Variants in LNX1 observed in about 807,000 individuals in gnomAD.
LNX1 encodes E3 ubiquitin-protein ligase LNX.
A neutral mutation model predicts 68.4 loss-of-function variants in LNX1; 54 were observed. That is an observed-to-expected ratio of 0.79 (90% CI 0.63 to 0.99). The LOEUF is 0.99. LNX1 is among the 50% of genes least tolerant of loss of function. The pLI is 0.00. For missense variants in LNX1, 906 were observed against 926.4 expected, an observed-to-expected ratio of 0.98 and a Z score of 0.29; for synonymous variants, 336 against 350.0, an observed-to-expected ratio of 0.96 and a Z score of 0.45.
intron 2 of LNX1, among the ~76,000 whole-genome samples, chr4:53,520,466 G>A (rs1727131847): frequency 6.6e-6 from 1 of 152,194 alleles, no homozygotes; most frequent in Non-Finnish European, 1.5e-5. Flanking sequence ...TGTTCATTCT[G>A]TGAGTCTCTG....
intron 2 of LNX1, among the ~76,000 whole-genome samples, chr4:53,554,672 T>G (rs1376402114): frequency 6.6e-6 from 1 of 152,032 alleles, no homozygotes; most frequent in Admixed American, 6.6e-5. Context: ...GCCAATATGG[T>G]GAAACCCCTT....
chr4:53,541,178 G>T lies in LNX1; in HGVS notation c.380+32445C>A, dbSNP rs1317231780. ...AAAAAAAGAAAGAAAAGAAAAGAAA[G>T]AAAGAAATGGCAGGAATGCGTTCTG... On this transcript the variant is annotated intron_variant, in intron 2 of 10. Transcript: ENST00000263925. Among the ~76,000 whole-genome samples, 5 of 149,766 alleles carry T rather than the reference G, an allele frequency of 3.3e-5. No homozygotes were observed. The East Asian group carries it at 9.7e-4, about 29-fold the overall frequency.
intron 2 of LNX1, among the ~76,000 whole-genome samples, chr4:53,564,767 G>C (rs922844528): frequency 1.3e-5 from 2 of 152,086 alleles, no homozygotes; most frequent in Admixed American, 1.3e-4. Context: ...CAGACAGTGG[G>C]CGCAGGTCAG....
chr4:53,583,186 C>T (rs1731943243), intron 1 of LNX1, among the ~76,000 whole-genome samples: 1 of 152,148 alleles, frequency 6.6e-6, no homozygotes, highest in Non-Finnish European at 1.5e-5. Context: ...TGTAAATGAA[C>T]ATACACAGAG....
intron 2 of LNX1, among the ~76,000 whole-genome samples, chr4:53,551,477 G>A (rs1729511734): frequency 6.6e-6 from 1 of 152,154 alleles, no homozygotes; most frequent in Non-Finnish European, 1.5e-5. Flanking sequence ...GAGGCAAAAT[G>A]GCAGAGTTTA....
At chr4:53,506,815 C>T (rs1473141724) in intron 4 of LNX1, among the ~76,000 whole-genome samples, 18 of 135,290 alleles carry the variant, frequency 1.3e-4, no homozygotes, top group Middle Eastern at 8.1e-3. Context: ...GAGATCATGC[C>T]GCCGTTGCAC....
chr4:53,579,318 T>C, intron 1 of LNX1: 1 of 960,516 alleles, frequency 1.0e-6, no homozygotes, highest in Non-Finnish European at 1.2e-6. Context: ...GCCTTAGGAA[T>C]CACCCTTTCC....
At chr4:53,555,783 C>T (rs1454904441) in intron 2 of LNX1, among the ~76,000 whole-genome samples, 1 of 152,138 alleles carries the variant, frequency 6.6e-6, no homozygotes. Context: ...AATGGTGATT[C>T]CTGGCAAAGT....
Position 53,518,384 on chromosome 4 carries a change from CTTAATG to C in LNX1, c.381-10163_381-10158del, listed in dbSNP as rs1209589207. 9.2e-5 allele frequency among the ~76,000 whole-genome samples: 14 copies of C among 152,318 alleles called. No homozygotes were observed. In the South Asian group the frequency reaches 2.9e-3, roughly 32 times the overall value. On this transcript the variant is annotated intron_variant, in intron 2 of 10. Coordinates refer to ENST00000263925, the MANE Select transcript of LNX1 (RefSeq NM_001126328.3). ...CAGGGAAGAAGTGGACATTCTTCCA[CTTAATG>C]TTAATGACTCTCCTTTAATGCCGAT...
intron 1 of LNX1, chr4:53,576,184 T>G: frequency 6.3e-7 from 1 of 1,580,648 alleles, no homozygotes; most frequent in South Asian, 1.2e-5. Context: ...CTTTCAGTGG[T>G]GGGTGGATGT....
chr4:53,526,845 T>G (rs1468510447), intron 2 of LNX1, among the ~76,000 whole-genome samples: 1 of 151,980 alleles, frequency 6.6e-6, no homozygotes, highest in Non-Finnish European at 1.5e-5. Flanking sequence ...TGGTTGAAAC[T>G]CTGTCTTAAA....
intron 9 of LNX1, among the ~76,000 whole-genome samples, chr4:53,475,178 CATT>C (rs933274969): frequency 6.6e-6 from 1 of 152,248 alleles, no homozygotes; most frequent in African/African-American, 2.4e-5. Flanking sequence ...AAGCACCTCA[CATT>C]GTCCTCTCTT....
chr4:53,467,093 C>T (rs569911649), intron 9 of LNX1, among the ~76,000 whole-genome samples: 2 of 152,202 alleles, frequency 1.3e-5, no homozygotes, highest in Admixed American at 6.5e-5. Flanking sequence ...AGGCACCCCC[C>T]AGTAGGGGCG....
intron 1 of LNX1, among the ~76,000 whole-genome samples, chr4:53,632,943 A>G (rs1734331346): frequency 6.6e-6 from 1 of 152,210 alleles, no homozygotes; most frequent in Non-Finnish European, 1.5e-5. Flanking sequence ...TATGTACAAG[A>G]ATCCTTTTGT....
At chr4:53,540,308 G>A (rs575876910) in intron 2 of LNX1, among the ~76,000 whole-genome samples, 5 of 152,174 alleles carry the variant, frequency 3.3e-5, no homozygotes, top group East Asian at 1.9e-4. Context: ...GCTTGAGCCC[G>A]AGTGGTTGAG....
intron 9 of LNX1, among the ~76,000 whole-genome samples, chr4:53,473,244 C>G (rs1484610108): frequency 6.6e-6 from 1 of 151,858 alleles, no homozygotes; most frequent in African/African-American, 2.4e-5. Context: ...GAACAGAACA[C>G]AAAAGTGGAA....
intron 1 of LNX1, among the ~76,000 whole-genome samples, chr4:53,649,308 G>A (rs926454512): frequency 2.4e-4 from 37 of 152,264 alleles, no homozygotes; most frequent in African/African-American, 8.9e-4. Flanking sequence ...TGTACACTAT[G>A]TAAAAGAATT....
intron 2 of LNX1, among the ~76,000 whole-genome samples, chr4:53,616,097 A>G (rs1203632425): frequency 1.3e-5 from 2 of 152,128 alleles, no homozygotes; most frequent in Non-Finnish European, 2.9e-5. Context: ...CTCTGTGTTC[A>G]TGAGTTCAAT....
chr4:53,466,300 C>G (rs1169488003), intron 9 of LNX1, among the ~76,000 whole-genome samples: 1 of 152,040 alleles, frequency 6.6e-6, no homozygotes, highest in Non-Finnish European at 1.5e-5. Flanking sequence ...TAATGTTGAA[C>G]TACATACTTA....
Sources: allele counts gnomAD v4.1 joint callset (sites outside exome capture counted in the v4.1 genomes callset), GRCh38; gene constraint gnomAD v4.1.1; transcripts MANE v1.5; gene names NCBI Gene and HGNC (gene_info 2026-07-23, HGNC 2026-07-21).